Variants in FN1 observed in about 807,000 individuals in gnomAD.
FN1 encodes fibronectin 1.
FN1 carries 106 observed loss-of-function variants against 297.3 expected under a neutral mutation model. The observed-to-expected ratio is 0.36, with a 90% CI of 0.30 to 0.42. The LOEUF (loss-of-function observed/expected upper bound fraction) is 0.42, where lower values mean the gene tolerates loss of function less well. FN1 is among the 10% of genes least tolerant of loss of function. The probability of loss-of-function intolerance (pLI) is 1.00; values close to 1 mark genes in which losing one functional copy is unlikely to be tolerated. For synonymous variants in FN1, 1,149 were observed against 1,152.6 expected (o/e 1.00, Z 0.06); for missense variants, 2,690 against 3,124.9 (o/e 0.86, Z 3.32).
intron 12 of FN1, among the ~76,000 whole-genome samples, chr2:215,415,493 ATAAT>A (rs1181051570): frequency 6.6e-6 from 1 of 152,192 alleles, no homozygotes; most frequent in Non-Finnish European, 1.5e-5. Flanking sequence ...AGCAAAGGTA[ATAAT>A]TAAAGACCTA....
At chr2:215,366,394 A>T (rs576720093) in intron 42 of FN1, among the ~76,000 whole-genome samples, 158 of 152,202 alleles carry the variant, frequency 1.0e-3, no homozygotes, top group African/African-American at 3.7e-3. Context: ...TAAAACAAGG[A>T]TCAGCTGATC....
intron 20 of FN1, among the ~76,000 whole-genome samples, chr2:215,399,759 A>T (rs1258759748): frequency 6.6e-6 from 1 of 152,220 alleles, no homozygotes; most frequent in African/African-American, 2.4e-5. Context: ...GACTTTGATG[A>T]CAATAAATTT....
rs1481311975 is a variant in FN1, at chr2:215,435,731, C to T, written c.72G>A (p.Thr24=). The change falls in exon 1 of 46, where the codon ACG becomes ACA. Residue 24 remains threonine, a synonymous_variant. Coordinates refer to ENST00000354785, the MANE Select transcript of FN1 (RefSeq NM_212482.4). ...CCTGCCTCTTGCTCTTCGAGGCTCC[C>T]GTGGAGGGCACCGCTGTCCCCAGGC... ...VQCLGTAVPS[T]GASKSKRQAQ... is the part of the protein sequence containing the mutation. 1 of 1,608,622 alleles carries T rather than the reference C, an allele frequency of 6.2e-7. No individual in the cohort carries two copies. The highest frequency in any genetic ancestry group is 1.7e-5 in the Admixed American group (1 of 59,602).
intron 22 of FN1, 55 bp from the exon 23 acceptor site, chr2:215,397,278 G>T: frequency 7.8e-7 from 1 of 1,287,948 alleles, no homozygotes; most frequent in Middle Eastern, 1.8e-4. Context: ...CTTGACCTGT[G>T]TAATCTTTCC....
At chr2:215,407,950 C>CA (rs1456481557) in intron 17 of FN1, among the ~76,000 whole-genome samples, 158 bp downstream of exon 17, 2 of 44,298 alleles carry the variant, frequency 4.5e-5, no homozygotes, top group African/African-American at 1.6e-4. Context: ...CTCCCCCACC[C>CA]CCGCCACACA....
At chr2:215,399,084 G>A (rs770166368) in intron 21 of FN1, among the ~76,000 whole-genome samples, 173 bp downstream of exon 21, 3 of 152,178 alleles carry the variant, frequency 2.0e-5, no homozygotes, top group Non-Finnish European at 2.9e-5. Flanking sequence ...ACAATTCAGT[G>A]AGGTAGGCAG....
intron 6 of FN1, 78 bp downstream of exon 6, chr2:215,428,102 T>C: frequency 1.3e-6 from 2 of 1,539,434 alleles, no homozygotes; most frequent in South Asian, 2.2e-5. Flanking sequence ...AAATGGCATG[T>C]CAAAGGAAAG....
Position 215,409,630 on chromosome 2 carries a change from G to A in FN1, c.2232C>T (p.Ser744=), listed in dbSNP as rs753251454. The change falls in exon 15 of 46, where the codon TCC becomes TCT. Residue 744 remains serine, a synonymous_variant. Coordinates refer to ENST00000354785, the MANE Select transcript of FN1 (RefSeq NM_212482.4). Reference sequence around the variant, plus strand: ...CCACCCGGAATCCCGACACGGTGTCGGAAGCTGAGACCCAGGAGACCACAA... The same window carrying A: ...CCACCCGGAATCCCGACACGGTGTCAGAAGCTGAGACCCAGGAGACCACAA... ...SSFVVSWVSA[S]DTVSGFRVEY... The A allele has an allele frequency of 1.4e-5, 22 of 1,613,950 alleles. No individual in the cohort carries two copies. The highest frequency in any genetic ancestry group is 2.2e-5 in the South Asian group (2 of 91,056).
intron 30 of FN1, 122 bp from the exon 31 acceptor site, chr2:215,383,605 T>G: frequency 9.5e-7 from 1 of 1,057,562 alleles, no homozygotes; most frequent in South Asian, 1.3e-5. Flanking sequence ...AGGTATTTCT[T>G]CTCGAAAGAA....
At chr2:215,381,343 A>G (rs1352284397) in intron 32 of FN1, 3 of 518,938 alleles carry the variant, frequency 5.8e-6, no homozygotes, top group Non-Finnish European at 6.9e-6. Context: ...GGATGTATTT[A>G]TATTAATTTA....
At position 215,433,420 on chromosome 2, in the gene FN1, G is replaced by T. The variant is rs772706420; in HGVS notation, c.319C>A (p.Arg107=). The T allele has an allele frequency of 6.2e-7, 1 of 1,614,128 alleles. No individual in the cohort carries two copies. Among genetic ancestry groups the T allele is most frequent in the Admixed American group, 1.7e-5 (1 of 60,018 alleles). The part of the protein sequence containing the change: ...CFDKYTGNTY[R]VGDTYERPKD... ...GGACGCTCATAAGTGTCACCCACTC[G>T]GTAAGTGTTCCCAGTGTACTTGTCA... Residue 107 remains arginine (R), a synonymous_variant, in exon 3 of 46, where the codon CGA becomes AGA. Coordinates refer to ENST00000354785, the MANE Select transcript of FN1 (RefSeq NM_212482.4).
chr2:215,382,356 T>A (rs888716082), intron 31 of FN1, 31 bp from the exon 32 acceptor site: 2 of 1,353,866 alleles, frequency 1.5e-6, no homozygotes, highest in Non-Finnish European at 2.1e-6. Context: ...AAATGCAACA[T>A]CCACGTCATC....
Position 215,430,858 on chromosome 2 carries a change from G to A in FN1, c.548-6C>T, listed in dbSNP as rs368867430. On this transcript the variant is annotated splice_polypyrimidine_tract_variant and splice_region_variant and intron_variant, in intron 4 of 45. Coordinates refer to ENST00000354785, the MANE Select transcript of FN1 (RefSeq NM_212482.4). ...ATGATCAAAACACTTCTCAGCTGTA[G>A]GGAAATTTGGAAGAAAAACAGGAAA... 8.1e-6 allele frequency: 13 copies of A among 1,613,760 alleles called. No homozygotes were observed. The highest frequency in any genetic ancestry group is 1.0e-5 in the Non-Finnish European group (12 of 1,179,862).
At chr2:215,371,825 T>C in intron 40 of FN1, 84 bp downstream of exon 40, 1 of 1,274,576 alleles carries the variant, frequency 7.8e-7, no homozygotes. Flanking sequence ...GAAGCCACTT[T>C]TTATTCGAGG....
Position 215,383,253 on chromosome 2 carries a change from C to A in FN1, c.5050+75G>T, listed in dbSNP as rs950311647. The A allele has an allele frequency of 2.1e-6, 3 of 1,435,936 alleles. No individual in the cohort carries two copies. The African/African-American group carries it at 4.2e-5, about 20-fold the overall frequency. 88.9% of individuals were successfully genotyped at this position (1,435,936 alleles called of 1,614,324 possible). On this transcript the variant is annotated intron_variant, in intron 31 of 45. Transcript: ENST00000354785. ...GAACTCCTAACCTCAAGTGATCTGCCCGCATCAGCCTCCCAAAGTTCTGGG... is the reference window on the plus strand; with the variant it reads ...GAACTCCTAACCTCAAGTGATCTGCACGCATCAGCCTCCCAAAGTTCTGGG...
intron 21 of FN1, 121 bp downstream of exon 21, chr2:215,399,135 TG>T: frequency 1.3e-6 from 1 of 749,930 alleles, no homozygotes; most frequent in Non-Finnish European, 2.4e-6. Flanking sequence ...CAAAGATGTA[TG>T]GACAGAAGCA....
Position 215,397,595 on chromosome 2 carries a change from A to G in FN1, c.3517+85T>C, listed in dbSNP as rs532600584. On this transcript the variant is annotated intron_variant, in intron 22 of 45. Coordinates refer to ENST00000354785, the MANE Select transcript of FN1 (RefSeq NM_212482.4). ...ATATCTCCCCTGTGCCATTCTCATAAGTAAAAAGTGATATTGACACTAGCT... is the reference window on the plus strand; with the variant it reads ...ATATCTCCCCTGTGCCATTCTCATAGGTAAAAAGTGATATTGACACTAGCT... The G allele has an allele frequency of 1.3e-4, 147 of 1,127,306 alleles. 3 individuals carry two copies. The South Asian group carries it at 1.7e-3, about 13-fold the overall frequency. The allele number at this position is 1,127,306 out of a possible 1,614,324, so 69.8% of individuals were successfully genotyped here. A position where few individuals can be genotyped will look rare whatever the true frequency, so the allele number is the denominator to read the frequency against.
chr2:215,414,410 A>G lies in FN1; in HGVS notation c.1941+427T>C, dbSNP rs80255076. 9.2e-3 allele frequency among the ~76,000 whole-genome samples: 1,407 copies of G among 152,338 alleles called. 34 individuals are homozygous for G. Among genetic ancestry groups the G allele is most frequent in the African/African-American group, 0.032 (1,338 of 41,574 alleles). ...AAAATGATCACTTAAAAAGTGAATC[A>G]AAAAAGAAATATATTAATTTGGCTT... On this transcript the variant is annotated intron_variant, in intron 13 of 45. Coordinates refer to ENST00000354785, the MANE Select transcript of FN1 (RefSeq NM_212482.4).
At chr2:215,407,985 C>T (rs1308566835) in intron 17 of FN1, 123 bp downstream of exon 17, 14 of 729,402 alleles carry the variant, frequency 1.9e-5, no homozygotes, top group African/African-American at 3.5e-5. Flanking sequence ...CACACAAACC[C>T]CTCTCCCATA....
Sources: allele counts gnomAD v4.1 joint callset (sites outside exome capture counted in the v4.1 genomes callset), GRCh38; gene constraint gnomAD v4.1.1; transcripts MANE v1.5; gene names NCBI Gene and HGNC (gene_info 2026-07-23, HGNC 2026-07-21).